Variants in TAOK2 observed in about 807,000 individuals in gnomAD.
TAOK2 encodes the protein TAO kinase 2, also known as serine/threonine-protein kinase TAO2.
Under a neutral mutation model 122.5 loss-of-function variants are expected in TAOK2, and 42 were observed. The observed-to-expected ratio is 0.34, with a 90% confidence interval of 0.27 to 0.44. The LOEUF is 0.44. Among genes scored for constraint, TAOK2 ranks in the 20% least tolerant of loss-of-function variants. TAOK2 has a pLI of 1.00. For missense variants in TAOK2, 1,264 were observed against 1,644.9 expected (o/e 0.77, Z 4.01); for synonymous variants, 704 against 677.6 (o/e 1.04, Z -0.61).
At chr16:29,991,367 G>T (rs1323963544), downstream of TAOK2, 1 of 1,588,926 alleles carries the variant, frequency 6.3e-7, no homozygotes, top group Non-Finnish European at 8.6e-7. This position sits in a 1 kb window ranked among gnomAD's most constrained non-coding sequence, Gnocchi z 5.6. Flanking sequence ...ACTGGCTGGG[G>T]CCCCCCACAC....
chr16:29,977,688 C>T, intron 1 of TAOK2, 50 bp from the exon 2 acceptor site: 1 of 1,536,670 alleles, frequency 6.5e-7, no homozygotes, highest in African/African-American at 1.4e-5. Context: ...CCCTTCCTCT[C>T]CCTGAAGGCT....
In TAOK2 at chr16:29,985,934, C is replaced by A; in HGVS notation, c.1992+73C>A. The A allele has an allele frequency of 6.6e-7, 1 of 1,521,070 alleles. No homozygotes were observed. Among genetic ancestry groups the A allele is most frequent in the South Asian group, 1.2e-5 (1 of 83,340 alleles). 94.2% of individuals were successfully genotyped at this position (1,521,070 alleles called of 1,614,324 possible). On this transcript the variant is annotated intron_variant, in intron 15 of 15. Transcript: ENST00000308893. This position sits in a 1 kb window ranked among gnomAD's most constrained non-coding sequence, Gnocchi z 6.9. ...GGGACCCACCCTTTTCCATTTTCCT[C>A]ATTCTTGTCTTCTTTCTCCTTGGCC...
intron 1 of TAOK2, 117 bp downstream of exon 1, chr16:29,974,765 GC>G (rs1567235713): frequency 6.6e-6 from 1 of 152,432 alleles, no homozygotes; most frequent in Non-Finnish European, 1.5e-5. Context: ...GCCCAGCTGA[GC>G]GAGTGGTCAG....
intron 1 of TAOK2, among the ~76,000 whole-genome samples, chr16:29,976,637 G>C (rs1173793948): frequency 6.6e-6 from 1 of 152,128 alleles, no homozygotes; most frequent in Non-Finnish European, 1.5e-5. Context: ...ACTTTCTCCG[G>C]GTGTTTGGTT....
chr16:29,987,610 C>T lies in TAOK2; in HGVS notation c.3338C>T (p.Ala1113Val). 6.2e-7 allele frequency: 1 copy of T among 1,612,900 alleles called. No individual in the cohort carries two copies. Among genetic ancestry groups the T allele is most frequent in the Non-Finnish European group, 8.5e-7 (1 of 1,179,284 alleles). ...GCTGTGGGGGACCGGGGTCTGTTTG[C>T]ACTGTACCCCAAAACCAACAAGGAT... is the stretch of plus-strand genomic sequence containing the variant. ...CGAVGDRGLF[A>V]LYPKTNKDGF... The change falls in exon 16 of 16, where the codon GCA (alanine) becomes GTA (valine). Residue 1113 changes from alanine to valine, a missense_variant. Transcript: ENST00000308893.
chr16:29,991,898 T>G, downstream of TAOK2: 1 of 225,772 alleles, frequency 4.4e-6, no homozygotes, highest in Non-Finnish European at 8.6e-6. This position sits in a 1 kb window ranked among gnomAD's most constrained non-coding sequence, Gnocchi z 5.6. Flanking sequence ...AGACATACTA[T>G]ATTCAGAGAA....
chr16:29,991,111 G>A (rs769744036), downstream of TAOK2: 2 of 1,601,462 alleles, frequency 1.2e-6, no homozygotes, highest in Non-Finnish European at 1.7e-6. This position sits in a 1 kb window ranked among gnomAD's most constrained non-coding sequence, Gnocchi z 5.6. Flanking sequence ...CTGCTTGAGC[G>A]GCAGGCCCGT....
intron 13 of TAOK2, 60 bp downstream of exon 13, chr16:29,983,724 C>T (rs565064673): frequency 6.4e-7 from 1 of 1,556,256 alleles, no homozygotes; most frequent in East Asian, 2.3e-5. Context: ...CTTTTTAAGT[C>T]TAGAAATGAT....
chr16:29,990,929 A>G, downstream of TAOK2: 1 of 1,613,240 alleles, frequency 6.2e-7, no homozygotes, highest in Non-Finnish European at 8.5e-7. Flanking sequence ...GAGCTGGAGC[A>G]GAGGGTCGCG....
chr16:29,981,996 G>A, intron 10 of TAOK2, 56 bp downstream of exon 10: 1 of 1,454,766 alleles, frequency 6.9e-7, no homozygotes, highest in Admixed American at 1.9e-5. Context: ...ACAGCCACAA[G>A]AACCCCCAGG....
rs2069817423 is a variant in TAOK2, at chr16:29,986,904, G to A, written c.2632G>A (p.Glu878Lys). ...ATGGAGCTTGTGGGGGAAGGAGGATGAGAGTCTTCTGGATGAGGAGTTTGA... is the reference window on the plus strand; with the variant it reads ...ATGGAGCTTGTGGGGGAAGGAGGATAAGAGTCTTCTGGATGAGGAGTTTGA... ...GTWSLWGKED[E>K]SLLDEEFELG... The change falls in exon 16 of 16, where the codon GAG (glutamate) becomes AAG (lysine). Residue 878 changes from glutamate to lysine, a missense_variant. This residue lies in a region of TAOK2 where 824 missense variants were observed against 908.7 expected (regional missense o/e 0.91). Coordinates refer to ENST00000308893, the MANE Select transcript of TAOK2 (RefSeq NM_016151.4). The surrounding 1 kb of genome is among the most constrained non-coding windows in gnomAD (Gnocchi z 4.2). 6.2e-7 allele frequency: 1 copy of A among 1,613,554 alleles called. No homozygotes were observed. The highest frequency in any genetic ancestry group is 1.3e-5 in the African/African-American group (1 of 74,886).
chr16:29,985,467 C>A lies in TAOK2; in HGVS notation c.1677C>A (p.Ala559=). 1 of 1,612,558 alleles carries A rather than the reference C, an allele frequency of 6.2e-7. No individual in the cohort carries two copies. Among genetic ancestry groups the A allele is most frequent in the Non-Finnish European group, 8.5e-7 (1 of 1,179,380 alleles). Reference sequence around the variant, plus strand: ...AGAAGGAGGCACGAGCTGCCCAGGCCGAGGAGCGGAAGTTCCAGCAGCACA... The same window carrying A: ...AGAAGGAGGCACGAGCTGCCCAGGCAGAGGAGCGGAAGTTCCAGCAGCACA... The part of the protein sequence containing the change: ...IGEKEARAAQ[A]EERKFQQHIL... The change falls in exon 14 of 16, where the codon GCC becomes GCA. Residue 559 remains alanine, a synonymous_variant. Coordinates refer to ENST00000308893, the MANE Select transcript of TAOK2 (RefSeq NM_016151.4). This position sits in a 1 kb window ranked among gnomAD's most constrained non-coding sequence, Gnocchi z 6.9.
downstream of TAOK2, chr16:29,989,080 C>T (rs1596621795): frequency 3.0e-6 from 3 of 985,278 alleles, no homozygotes; most frequent in Non-Finnish European, 3.6e-6. Context: ...GGACCTGGGA[C>T]TTCCTGTGTC....
chr16:29,984,298 G>A (rs1567245201), intron 13 of TAOK2, among the ~76,000 whole-genome samples: 1 of 152,216 alleles, frequency 6.6e-6, no homozygotes, highest in Admixed American at 6.5e-5. Flanking sequence ...TGCCTTTGGT[G>A]GCTCTCTGCT....
At chr16:29,981,481 G>A (rs1005832920) in intron 8 of TAOK2, 180 bp from the exon 9 acceptor site, 1 of 678,418 alleles carries the variant, frequency 1.5e-6, no homozygotes, top group Admixed American at 2.1e-5. Context: ...GAGAGGATGG[G>A]TGTTGTATTT....
rs1439755593 is a variant in TAOK2 at position 29,983,621 on chromosome 16, G to C, written c.1379G>C (p.Cys460Ser). Residue 460 changes from cysteine (C) to serine (S), a missense_variant, in exon 13 of 16, where the codon TGC (cysteine) becomes TCC (serine). This residue lies in a region of TAOK2 where 122 missense variants were observed against 116.7 expected (regional missense o/e 1.04). Coordinates refer to ENST00000308893, the MANE Select transcript of TAOK2 (RefSeq NM_016151.4). ...TTSSARRRAY[C>S]RNRDHFATIR... ...TCTTCCGCCCGCCGCCGGGCCTACT[G>C]CCGTAACCGAGACCACTTTGCCACC... is the stretch of plus-strand genomic sequence containing the variant. The C allele has an allele frequency of 6.2e-7, 1 of 1,613,480 alleles. No individual in the cohort carries two copies. The highest frequency in any genetic ancestry group is 1.7e-5 in the Admixed American group (1 of 60,020).
downstream of TAOK2, chr16:29,991,190 G>T (rs143856120): frequency 5.0e-6 from 8 of 1,610,952 alleles, no homozygotes; most frequent in African/African-American, 1.1e-4. The surrounding 1 kb of genome is among the most constrained non-coding windows in gnomAD (Gnocchi z 5.6). Flanking sequence ...GGGGCATCCC[G>T]GCTGAAGCTG....
chr16:29,983,284 G>C lies in TAOK2; in HGVS notation c.1212G>C (p.Glu404Asp), dbSNP rs143466363. Reference protein sequence around the residue: ...PEAREMAMMQEGEHTVTSHSS... With the variant: ...PEAREMAMMQDGEHTVTSHSS... ...CCCGGGAGATGGCCATGATGCAGGAGGGGGAGCACACAGTCACCTCTCACA... is the reference window on the plus strand; with the variant it reads ...CCCGGGAGATGGCCATGATGCAGGACGGGGAGCACACAGTCACCTCTCACA... The change falls in exon 12 of 16, where the codon GAG becomes GAC. Residue 404 changes from glutamate to aspartate, a missense_variant. Around this residue, in one of 4 missense-constraint regions of TAOK2, gnomAD observed 122 missense variants for 116.7 expected, o/e 1.04. Coordinates refer to ENST00000308893, the MANE Select transcript of TAOK2 (RefSeq NM_016151.4). 715 of 1,604,612 alleles carry C rather than the reference G, an allele frequency of 4.5e-4. 2 individuals are homozygous for C. The highest frequency in any genetic ancestry group is 5.5e-4 in the Non-Finnish European group (648 of 1,179,790).
downstream of TAOK2, chr16:29,990,745 G>C (rs766764668): frequency 6.4e-7 from 1 of 1,562,684 alleles, no homozygotes; most frequent in Non-Finnish European, 8.7e-7. Context: ...GTGGGGGTGG[G>C]GGAGGAGATC....
Sources: gnomAD v4.1 joint callset for allele counts (sites outside exome capture counted in the v4.1 genomes callset) on GRCh38, gnomAD v4.1.1 for gene constraint, gnomAD v4.1.1 regional missense constraint, Gnocchi (gnomAD v3.1) non-coding constraint, MANE v1.5 for transcripts, NCBI Gene and HGNC (gene_info 2026-07-23, HGNC 2026-07-21) for gene names.